Variants in ARHGEF7 observed in about 807,000 individuals in gnomAD.
ARHGEF7 encodes the protein Rho guanine nucleotide exchange factor 7, also known as PAK-interacting exchange factor beta.
In ARHGEF7, 33 loss-of-function variants were observed where a neutral mutation model predicts 109.8. That is an observed-to-expected ratio of 0.30 (90% confidence interval 0.23 to 0.40). The LOEUF (loss-of-function observed/expected upper bound fraction) is 0.40. ARHGEF7 is among the 10% of genes least tolerant of loss of function. The pLI is 1.00. For missense variants in ARHGEF7, 938 were observed against 1,098.5 expected (o/e 0.85, Z 2.07); for synonymous variants, 458 against 424.6 (o/e 1.08, Z -0.97).
At chr13:111,166,456 C>G (rs1724979089) in intron 2 of ARHGEF7, among the ~76,000 whole-genome samples, 1 of 152,136 alleles carries the variant, frequency 6.6e-6, no homozygotes, top group African/African-American at 2.4e-5. Context: ...CTGAAAGACT[C>G]AAGGGCAAAA....
At chr13:111,149,494 T>A (rs2075785050) in intron 1 of ARHGEF7, among the ~76,000 whole-genome samples, 1 of 152,256 alleles carries the variant, frequency 6.6e-6, no homozygotes, top group South Asian at 2.1e-4. Context: ...ATCATTGAAT[T>A]ACTGACAAAT....
At chr13:111,288,325 A>G in intron 17 of ARHGEF7, 29 bp from the exon 18 acceptor site, 1 of 1,570,612 alleles carries the variant, frequency 6.4e-7, no homozygotes, top group Non-Finnish European at 8.8e-7. Context: ...TTTCAGTTCG[A>G]CTGTGAACTG....
At chr13:111,116,009 G>GT (rs1371096050) in intron 1 of ARHGEF7, among the ~76,000 whole-genome samples, 3 of 151,990 alleles carry the variant, frequency 2.0e-5, no homozygotes, top group South Asian at 4.2e-4. Context: ...GCCCCTCCGC[G>GT]TGGGGGGCCG....
At chr13:111,233,109 A>G in intron 5 of ARHGEF7, 96 bp from the exon 6 acceptor site, 1 of 1,023,940 alleles carries the variant, frequency 9.8e-7, no homozygotes, top group Non-Finnish European at 1.5e-6. Context: ...TAATTCAGTG[A>G]GGCTGCTGGA....
At chr13:111,214,814 A>G (rs898811211) in intron 4 of ARHGEF7, among the ~76,000 whole-genome samples, 1 of 152,098 alleles carries the variant, frequency 6.6e-6, no homozygotes, top group Non-Finnish European at 1.5e-5. Context: ...AATTTGAATT[A>G]CTAAATACAT....
chr13:111,244,052 A>G, intron 7 of ARHGEF7, 86 bp downstream of exon 7: 1 of 1,311,964 alleles, frequency 7.6e-7, no homozygotes, highest in South Asian at 1.3e-5. Flanking sequence ...AGAGGGTTAA[A>G]TAGTGAAACA....
chr13:111,270,534 TAGAA>T (rs1267800975), intron 9 of ARHGEF7, among the ~76,000 whole-genome samples: 2 of 152,228 alleles, frequency 1.3e-5, no homozygotes, highest in African/African-American at 4.8e-5. Flanking sequence ...TTGTGGATAT[TAGAA>T]GGAGTTTTGC....
In ARHGEF7 at chr13:111,280,611, G is replaced by C. The variant is rs1385381725; in HGVS notation, c.1659G>C (p.Gln553His). The stretch of plus-strand genomic sequence containing the variant: ...TGCAGGAATGGGTGGAGCACCTACA[G>C]AAGCAAACGAAGGTCACGTCTGTGG... ...QDLQEWVEHL[Q>H]KQTKVTSVGN... is the part of the protein sequence containing the mutation. The change falls in exon 15 of 22, where the codon CAG becomes CAC. Residue 553 changes from glutamine (Q) to histidine (H), a missense_variant. Around this residue, in one of 4 missense-constraint regions of ARHGEF7, gnomAD observed 585 missense variants for 723.6 expected, o/e 0.81. Transcript: ENST00000646102. 6.8e-6 allele frequency: 11 copies of C among 1,612,756 alleles called. No individual in the cohort carries two copies. The East Asian group carries it at 2.0e-4, about 29-fold the overall frequency.
At chr13:111,279,212 C>G (rs1424982119) in intron 13 of ARHGEF7, among the ~76,000 whole-genome samples, 1 of 152,176 alleles carries the variant, frequency 6.6e-6, no homozygotes, top group Non-Finnish European at 1.5e-5. Context: ...TTTTTAAATA[C>G]GCTTGGCCAC....
intron 21 of ARHGEF7, 65 bp from the exon 22 acceptor site, chr13:111,302,926 T>TG: frequency 6.3e-7 from 1 of 1,594,946 alleles, no homozygotes; most frequent in Non-Finnish European, 8.6e-7. Context: ...GATACACATT[T>TG]GGGGAAAGGA....
intron 8 of ARHGEF7, 59 bp from the exon 9 acceptor site, chr13:111,267,485 CAGTT>C: frequency 3.7e-6 from 6 of 1,600,344 alleles, no homozygotes; most frequent in East Asian, 2.2e-5. Context: ...ATATGTCTGT[CAGTT>C]AGCAGTTGTC....
intron 1 of ARHGEF7, among the ~76,000 whole-genome samples, chr13:111,147,766 C>T (rs1388198439): frequency 2.1e-5 from 3 of 139,544 alleles, no homozygotes; most frequent in Admixed American, 7.7e-5. Flanking sequence ...GGCGGGATCT[C>T]GGCTCACTGC....
intron 13 of ARHGEF7, among the ~76,000 whole-genome samples, chr13:111,278,937 AC>A (rs1254581196): frequency 6.6e-6 from 1 of 152,206 alleles, no homozygotes; most frequent in Non-Finnish European, 1.5e-5. Flanking sequence ...GCTCATCTCA[AC>A]AACAGGATTT....
At chr13:111,151,021 A>G (rs1339475809) in intron 1 of ARHGEF7, among the ~76,000 whole-genome samples, 1 of 152,220 alleles carries the variant, frequency 6.6e-6, no homozygotes, top group Non-Finnish European at 1.5e-5. Flanking sequence ...CATGCAGTTC[A>G]GATTTTTCCC....
intron 1 of ARHGEF7, among the ~76,000 whole-genome samples, chr13:111,140,628 T>A (rs2075301748): frequency 6.6e-6 from 1 of 152,164 alleles, no homozygotes; most frequent in African/African-American, 2.4e-5. Flanking sequence ...AGGGAGCGAT[T>A]GTGTAGTACC....
At chr13:111,182,939 A>G (rs1364752756) in intron 2 of ARHGEF7, among the ~76,000 whole-genome samples, 2 of 152,186 alleles carry the variant, frequency 1.3e-5, no homozygotes, top group Non-Finnish European at 2.9e-5. Context: ...CTTGTGTGAG[A>G]TGATTTTGCC....
chr13:111,175,465 G>A (rs2078051908), intron 2 of ARHGEF7, among the ~76,000 whole-genome samples: 1 of 152,196 alleles, frequency 6.6e-6, no homozygotes, highest in South Asian at 2.1e-4. Context: ...GTGAGTGTGG[G>A]GAAGGGCACC....
chr13:111,196,072 C>T (rs184606785), intron 2 of ARHGEF7, among the ~76,000 whole-genome samples: 87 of 152,258 alleles, frequency 5.7e-4, no homozygotes, highest in Non-Finnish European at 1.0e-3. Flanking sequence ...TCTAGGGAGT[C>T]GGGTGACAGG....
intron 1 of ARHGEF7, among the ~76,000 whole-genome samples, chr13:111,119,291 T>C (rs2067014199): frequency 6.6e-6 from 1 of 152,248 alleles, no homozygotes; most frequent in South Asian, 2.1e-4. Context: ...GGCCCCATCC[T>C]GAGATACTGG....
Sources: allele counts gnomAD v4.1 joint callset (sites outside exome capture counted in the v4.1 genomes callset), GRCh38; gene constraint gnomAD v4.1.1; regional missense constraint gnomAD v4.1.1; transcripts MANE v1.5; gene names NCBI Gene and HGNC (gene_info 2026-07-23, HGNC 2026-07-21).